Variants in ANKRD20A1 observed in about 807,000 individuals in gnomAD.
ANKRD20A1 encodes ankyrin repeat domain 20 family member A1, also known as ankyrin repeat domain-containing protein 20A1.
ANKRD20A1 carries 2 observed loss-of-function variants against 50.9 expected under a neutral mutation model. The ratio of observed to expected loss-of-function variants is 0.04; its 90% CI spans 0.02 to 0.12. The LOEUF (loss-of-function observed/expected upper bound fraction) is 0.12, where lower values mean the gene tolerates loss of function less well. Ranked by LOEUF, ANKRD20A1 falls within the 10% of genes least tolerant of loss-of-function variation. ANKRD20A1 has a pLI of 1.00. For synonymous variants in ANKRD20A1, 10 were observed against 186.2 expected (o/e 0.05, Z 7.70); for missense variants, 31 against 548.1 (o/e 0.06, Z 9.42).
intron 4 of ANKRD20A1, among the ~76,000 whole-genome samples, 194 bp downstream of exon 4, chr9:67,867,577 A>G (rs1313184953): frequency 6.6e-6 from 1 of 152,274 alleles, no homozygotes; most frequent in Admixed American, 6.5e-5. Context: ...ATCTTCTCTT[A>G]TAATATACAG....
At chr9:67,882,718 A>G (rs1169944663) in intron 8 of ANKRD20A1, among the ~76,000 whole-genome samples, 5 of 133,790 alleles carry the variant, frequency 3.7e-5, no homozygotes, top group African/African-American at 5.2e-5. Flanking sequence ...TACACGTGCC[A>G]TGTTGGTGTG....
At position 67,860,168 on chromosome 9, in the gene ANKRD20A1, C is replaced by G; in HGVS notation, c.203+539C>G. ...TGCCTGCCGGGTTCAAGCAATTTTC[C>G]TACTTCAGCCTCCCAAGTAGCTGGG... On this transcript the variant is annotated intron_variant, in intron 1 of 14. Transcript: ENST00000562196. 4.7e-5 allele frequency among the ~76,000 whole-genome samples: 2 copies of G among 42,742 alleles called. 1 individual carries two copies. Among genetic ancestry groups the G allele is most frequent in the Non-Finnish European group, 9.0e-5 (2 of 22,226 alleles). The allele number at this position is 42,742 out of a possible 152,430, so 28.0% of individuals were successfully genotyped here.
At chr9:67,898,532 TA>T (rs1828035086) in intron 13 of ANKRD20A1, among the ~76,000 whole-genome samples, 1 of 93,622 alleles carries the variant, frequency 1.1e-5, no homozygotes, top group Non-Finnish European at 2.4e-5. Flanking sequence ...GGTTAATGAA[TA>T]TATAAAATAT....
At chr9:67,885,099 G>T (rs1457726360) in intron 9 of ANKRD20A1, among the ~76,000 whole-genome samples, 1 of 151,150 alleles carries the variant, frequency 6.6e-6, no homozygotes, top group Non-Finnish European at 1.5e-5. Flanking sequence ...TCCATTTTAA[G>T]ATACTCTAAG....
At chr9:67,885,844 GCT>G (rs1827875226) in intron 9 of ANKRD20A1, among the ~76,000 whole-genome samples, 2 of 152,376 alleles carry the variant, frequency 1.3e-5, no homozygotes, top group South Asian at 4.1e-4. Flanking sequence ...CTTGGACACA[GCT>G]CTGAATAGCA....
At chr9:67,885,750 G>A (rs1827873021) in intron 9 of ANKRD20A1, among the ~76,000 whole-genome samples, 1 of 152,308 alleles carries the variant, frequency 6.6e-6, no homozygotes, top group Admixed American at 6.5e-5. Context: ...GAGTTGAGGA[G>A]CTTCTGGAAG....
intron 7 of ANKRD20A1, among the ~76,000 whole-genome samples, chr9:67,878,705 ATGTGAGG>A (rs1276400196): frequency 2.3e-3 from 79 of 34,584 alleles, no homozygotes; most frequent in African/African-American, 4.5e-3. Context: ...TAGATAGAGA[ATGTGAGG>A]CTCAAAGAGT....
intron 6 of ANKRD20A1, among the ~76,000 whole-genome samples, chr9:67,871,626 A>C (rs1323591334): frequency 5.8e-5 from 8 of 136,842 alleles, no homozygotes; most frequent in Admixed American, 1.4e-4. Context: ...CATTTTTATA[A>C]TAAATTGTTT....
chr9:67,897,042 C>CAA (rs1175792757), intron 12 of ANKRD20A1, among the ~76,000 whole-genome samples: 4 of 44,064 alleles, frequency 9.1e-5, no homozygotes, highest in African/African-American at 2.2e-4. Context: ...TCACAGGATT[C>CAA]AAAAAAAAAA....
At chr9:67,897,038 G>T (rs1828004587) in intron 12 of ANKRD20A1, among the ~76,000 whole-genome samples, 1 of 58,290 alleles carries the variant, frequency 1.7e-5, no homozygotes, top group Non-Finnish European at 3.4e-5. Flanking sequence ...GATATCACAG[G>T]ATTCAAAAAA....
chr9:67,871,700 C>T (rs1827650675), intron 6 of ANKRD20A1, among the ~76,000 whole-genome samples: 1 of 129,116 alleles, frequency 7.7e-6, no homozygotes, highest in East Asian at 2.5e-4. Flanking sequence ...GACTCTGATC[C>T]CTGTGCAGTT....
chr9:67,882,603 T>G (rs371922017), intron 8 of ANKRD20A1, among the ~76,000 whole-genome samples: 1 of 149,798 alleles, frequency 6.7e-6, no homozygotes, highest in Non-Finnish European at 1.5e-5. Context: ...CTCCAACTCA[T>G]GTTTTATTAA....
At chr9:67,885,532 G>T (rs1344609244) in intron 9 of ANKRD20A1, among the ~76,000 whole-genome samples, 2 of 152,306 alleles carry the variant, frequency 1.3e-5, no homozygotes, top group African/African-American at 4.8e-5. Context: ...TAACATAATT[G>T]AATAGTGTTG....
chr9:67,887,989 AG>A lies in ANKRD20A1; in HGVS notation c.1081+522del, dbSNP rs1827899919. Among the ~76,000 whole-genome samples the A allele has an allele frequency of 3.2e-5, 2 of 61,692 alleles. 1 individual carries two copies. Among genetic ancestry groups the A allele is most frequent in the South Asian group, 1.2e-3 (2 of 1,674 alleles). The allele number at this position is 61,692 out of a possible 152,430, so 40.5% of individuals were successfully genotyped here. A position where few individuals can be genotyped will look rare whatever the true frequency, so the allele number is the denominator to read the frequency against. On this transcript the variant is annotated intron_variant, in intron 11 of 14. Transcript: ENST00000562196. ...ATCTTTGACTATTAAAAATGAGGAA[AG>A]TAATGATTCATTTATAACTGATAGA...
At chr9:67,871,552 G>T (rs1308562482) in intron 6 of ANKRD20A1, among the ~76,000 whole-genome samples, 5 of 138,074 alleles carry the variant, frequency 3.6e-5, no homozygotes, top group East Asian at 2.2e-4. Flanking sequence ...TTAGTATGTT[G>T]TATGTTTCCT....
intron 8 of ANKRD20A1, among the ~76,000 whole-genome samples, chr9:67,882,345 TATA>T (rs770980732): frequency 8.2e-4 from 124 of 150,756 alleles, no homozygotes; most frequent in Non-Finnish European, 1.0e-3. Context: ...TTATAAGTAA[TATA>T]ATAAACCTAA....
rs1827768116 is a variant in ANKRD20A1 at position 67,878,961 on chromosome 9, G to A, written c.824+1171G>A. 3.7e-5 allele frequency among the ~76,000 whole-genome samples: 2 copies of A among 53,552 alleles called. 1 individual carries two copies. The highest frequency in any genetic ancestry group is 1.1e-4 in the Non-Finnish European group (2 of 17,808). 35.1% of individuals were successfully genotyped at this position (53,552 alleles called of 152,430 possible). On this transcript the variant is annotated intron_variant, in intron 7 of 14. Transcript: ENST00000562196. ...ATAAACAACACTGGATTGGATAGGAGTACAGACTCTTCTATAAGAGATCAA... is the reference window on the plus strand; with the variant it reads ...ATAAACAACACTGGATTGGATAGGAATACAGACTCTTCTATAAGAGATCAA...
chr9:67,867,673 T>A (rs1354238151), intron 4 of ANKRD20A1, among the ~76,000 whole-genome samples: 1 of 142,240 alleles, frequency 7.0e-6, no homozygotes, highest in Non-Finnish European at 1.5e-5. Flanking sequence ...AATTTTTTTT[T>A]TTTTGAGATG....
chr9:67,881,513 T>G (rs1231503269), intron 8 of ANKRD20A1, among the ~76,000 whole-genome samples: 4 of 151,592 alleles, frequency 2.6e-5, no homozygotes, highest in African/African-American at 9.7e-5. Context: ...TCACCTGTAA[T>G]CCCAGCAGTT....
Sources: allele counts gnomAD v4.1 joint callset (sites outside exome capture counted in the v4.1 genomes callset), GRCh38; gene constraint gnomAD v4.1.1; transcripts MANE v1.5; gene names NCBI Gene and HGNC (gene_info 2026-07-23, HGNC 2026-07-21).